Variants in KCNU1 observed in about 807,000 individuals in gnomAD.
KCNU1 encodes the protein potassium calcium-activated channel subfamily U member 1, also known as potassium channel subfamily U member 1.
A neutral mutation model predicts 126.8 loss-of-function variants in KCNU1; 93 were observed. The ratio of observed to expected loss-of-function variants is 0.73; its 90% CI spans 0.62 to 0.87. KCNU1 has a LOEUF of 0.87. Ranked by LOEUF, KCNU1 falls within the 40% of genes least tolerant of loss-of-function variation. KCNU1 has a pLI of 0.00. For synonymous variants in KCNU1, 523 were observed against 494.2 expected, an observed-to-expected ratio of 1.06 and a Z score of -0.77; for missense variants, 1,330 against 1,367.1, an observed-to-expected ratio of 0.97 and a Z score of 0.43.
At chr8:36,803,908 A>T (rs1335685046) in intron 2 of KCNU1, 119 bp from the exon 3 acceptor site, 2 of 714,622 alleles carry the variant, frequency 2.8e-6, no homozygotes, top group Non-Finnish European at 5.0e-6. Context: ...ACATAAGTGA[A>T]TATGTGAATA....
intron 19 of KCNU1, among the ~76,000 whole-genome samples, chr8:36,878,274 G>A (rs1048978302): frequency 1.3e-5 from 2 of 152,110 alleles, no homozygotes; most frequent in African/African-American, 4.8e-5. Flanking sequence ...AAACTCTAAG[G>A]GAGAAAGTGA....
intron 19 of KCNU1, among the ~76,000 whole-genome samples, chr8:36,903,796 T>C (rs906617683): frequency 1.3e-5 from 2 of 152,096 alleles, no homozygotes; most frequent in Non-Finnish European, 1.5e-5. Context: ...AAGCTTACCA[T>C]CGTGGTGGAA....
At chr8:36,851,456 G>T (rs1805345822) in intron 18 of KCNU1, among the ~76,000 whole-genome samples, 1 of 150,190 alleles carries the variant, frequency 6.7e-6, no homozygotes, top group South Asian at 2.1e-4. Flanking sequence ...CTTTCCTTTT[G>T]TCTTCTGCCA....
chr8:36,832,349 T>G (rs1474436433), intron 10 of KCNU1, among the ~76,000 whole-genome samples: 8 of 152,102 alleles, frequency 5.3e-5, no homozygotes, highest in Admixed American at 6.6e-5. Flanking sequence ...ATTACCTTGG[T>G]CAATATGGCC....
In KCNU1 at chr8:36,787,199, G is replaced by C; in HGVS notation, c.196-107G>C. On this transcript the variant is annotated intron_variant, in intron 1 of 26. Transcript: ENST00000399881. ...GGTTCCCTGGTTTGGACAAGGTGGA[G>C]TGATTTTCGACTGATACCATCACAA... 3 of 968,662 alleles carry C rather than the reference G, an allele frequency of 3.1e-6. No individual in the cohort carries two copies. In the Admixed American group the frequency reaches 9.7e-5, roughly 31 times the overall value. 60.0% of individuals were successfully genotyped at this position (968,662 alleles called of 1,614,324 possible).
intron 14 of KCNU1, 117 bp downstream of exon 14, chr8:36,837,062 T>G: frequency 1.1e-6 from 1 of 906,172 alleles, no homozygotes; most frequent in Non-Finnish European, 1.7e-6. Flanking sequence ...GAGATATGAC[T>G]TCTGCTTGAG....
chr8:36,816,496 C>T (rs894741273), intron 9 of KCNU1, among the ~76,000 whole-genome samples: 1 of 151,840 alleles, frequency 6.6e-6, no homozygotes, highest in Non-Finnish European at 1.5e-5. Context: ...TGACCTGGGA[C>T]TATGAAGAGG....
intron 22 of KCNU1, among the ~76,000 whole-genome samples, chr8:36,912,337 T>C (rs953106118): frequency 1.3e-5 from 2 of 152,340 alleles, no homozygotes; most frequent in African/African-American, 4.8e-5. Context: ...ATCTAATCTT[T>C]GGAGGGCAAA....
At chr8:36,899,010 C>T (rs1405433980) in intron 19 of KCNU1, among the ~76,000 whole-genome samples, 1 of 152,054 alleles carries the variant, frequency 6.6e-6, no homozygotes, top group East Asian at 1.9e-4. Context: ...AATGAGGGTT[C>T]ATCTGCAGAA....
intron 23 of KCNU1, among the ~76,000 whole-genome samples, chr8:36,921,883 T>G (rs915723764): frequency 6.6e-6 from 1 of 152,088 alleles, no homozygotes; most frequent in Admixed American, 6.5e-5. Flanking sequence ...GTGCCATCCA[T>G]GAATCGGCAA....
intron 24 of KCNU1, among the ~76,000 whole-genome samples, chr8:36,930,588 T>A (rs909110218): frequency 3.0e-4 from 46 of 152,268 alleles, no homozygotes; most frequent in African/African-American, 1.1e-3. Context: ...TATATGTATT[T>A]TTAAATATAC....
intron 22 of KCNU1, among the ~76,000 whole-genome samples, chr8:36,915,001 GA>G (rs1026429649): frequency 6.6e-6 from 1 of 152,186 alleles, no homozygotes; most frequent in Non-Finnish European, 1.5e-5. Flanking sequence ...GCTCGAAAAG[GA>G]GATGGAGTTA....
intron 10 of KCNU1, among the ~76,000 whole-genome samples, chr8:36,829,143 A>G (rs1161603523): frequency 1.3e-5 from 2 of 152,004 alleles, no homozygotes; most frequent in African/African-American, 4.8e-5. Context: ...ATTTAATTTT[A>G]GGGATGTGTA....
Position 36,787,393 on chromosome 8 carries a change from C to G in KCNU1, c.283C>G (p.Leu95Val). The change falls in exon 2 of 27, where the codon CTT (leucine) becomes GTT (valine). Residue 95 changes from leucine to valine, a missense_variant. This residue lies in a region of KCNU1 where 247 missense variants were observed against 255.4 expected (regional missense o/e 0.97). Coordinates refer to ENST00000399881, the MANE Select transcript of KCNU1 (RefSeq NM_001031836.3). ...ATTTCGTGATCATATAGAAATGTTG[C>G]TTTCAGCCCAGACCTTTGTGGGGCA... ...GQFRDHIEMLLSAQTFVGQVL... is the reference protein window; with the variant it reads ...GQFRDHIEMLVSAQTFVGQVL... The G allele has an allele frequency of 6.2e-7, 1 of 1,611,996 alleles. No homozygotes were observed. The highest frequency in any genetic ancestry group is 8.5e-7 in the Non-Finnish European group (1 of 1,178,816).
At chr8:36,873,954 A>T (rs188501191) in intron 19 of KCNU1, among the ~76,000 whole-genome samples, 1 of 152,228 alleles carries the variant, frequency 6.6e-6, no homozygotes. Flanking sequence ...ACCTGCTGAA[A>T]TATCATTATT....
At position 36,808,738 on chromosome 8, in the gene KCNU1, A is replaced by G. The variant is rs776168612; in HGVS notation, c.677A>G (p.Lys226Arg). The G allele has an allele frequency of 2.5e-6, 4 of 1,611,092 alleles. No homozygotes were observed. The Admixed American group carries it at 5.0e-5, about 20-fold the overall frequency. Reference sequence around the variant, plus strand: ...TCTAGTAACTCAGTGAAGTTTTCCAAACTGCTGTCAATAATTCTCAGTACC... The same window carrying G: ...TCTAGTAACTCAGTGAAGTTTTCCAGACTGCTGTCAATAATTCTCAGTACC... Reference protein sequence around the residue: ...IKTSNSVKFSKLLSIILSTWF... With the variant: ...IKTSNSVKFSRLLSIILSTWF... Residue 226 changes from lysine to arginine, a missense_variant, in exon 7 of 27, where the codon AAA becomes AGA. By Grantham distance (26) the Lys-to-Arg change is conservative. Around this residue, in one of 3 missense-constraint regions of KCNU1, gnomAD observed 29 missense variants for 57.8 expected, o/e 0.50. Transcript: ENST00000399881.
chr8:36,798,241 C>G (rs1409859862), intron 2 of KCNU1, among the ~76,000 whole-genome samples: 1 of 152,148 alleles, frequency 6.6e-6, no homozygotes, highest in Non-Finnish European at 1.5e-5. Flanking sequence ...AAATTCCTAT[C>G]TAAGGGATGT....
intron 5 of KCNU1, among the ~76,000 whole-genome samples, 173 bp downstream of exon 5, chr8:36,806,553 A>C (rs1079680): frequency 0.24 from 35,880 of 152,142 alleles, 4,971 homozygotes; most frequent in African/African-American, 0.37. Flanking sequence ...TGACTTTAAC[A>C]CTTAGCAATG....
At chr8:36,865,701 G>A (rs368647048) in intron 19 of KCNU1, among the ~76,000 whole-genome samples, 14 of 148,200 alleles carry the variant, frequency 9.4e-5, no homozygotes, top group South Asian at 6.4e-4. Flanking sequence ...GTTTGAGCTC[G>A]GGAGTTTGAG....
Sources: gnomAD v4.1 joint callset for allele counts (sites outside exome capture counted in the v4.1 genomes callset) on GRCh38, gnomAD v4.1.1 for gene constraint, gnomAD v4.1.1 regional missense constraint, MANE v1.5 for transcripts, NCBI Gene and HGNC (gene_info 2026-07-23, HGNC 2026-07-21) for gene names.